SEMA5A: variants seen among roughly 807,000 people sequenced by gnomAD.
SEMA5A encodes the protein semaphorin-5A.
Under a neutral mutation model 135.5 loss-of-function variants are expected in SEMA5A, and 55 were observed. That is an observed-to-expected ratio of 0.41 (90% CI 0.33 to 0.51). The LOEUF is 0.51. SEMA5A is among the 20% of genes least tolerant of loss of function. The pLI is 0.37. For missense variants in SEMA5A, 1,290 were observed against 1,419.9 expected (o/e 0.91, Z 1.47); for synonymous variants, 580 against 546.5 (o/e 1.06, Z -0.85).
intron 5 of SEMA5A, among the ~76,000 whole-genome samples, chr5:9,297,491 C>T (rs1751398381): frequency 6.6e-6 from 1 of 152,164 alleles, no homozygotes; most frequent in African/African-American, 2.4e-5. Context: ...GACACTGAAC[C>T]TTCAGGTGCC....
chr5:9,500,042 C>T (rs1241647317), intron 1 of SEMA5A, among the ~76,000 whole-genome samples: 3 of 152,084 alleles, frequency 2.0e-5, no homozygotes, highest in Non-Finnish European at 2.9e-5. Flanking sequence ...CCATCTGTTA[C>T]TCATATTTTA....
Position 9,202,233 on chromosome 5 carries a change from G to A in SEMA5A, c.654C>T (p.Asn218=). 1.2e-6 allele frequency: 2 copies of A among 1,612,466 alleles called. No individual in the cohort carries two copies. The highest frequency in any genetic ancestry group is 1.1e-5 in the South Asian group (1 of 90,998). ...QYNSKWLNEP[N]FVSSYDIGNF... is the part of the protein sequence containing the mutation. The stretch of plus-strand genomic sequence containing the variant: ...TTCCGATGTCATAAGATGACACAAA[G>A]TTTGGCTCTGGAAACAATAGAAAAG... The change falls in exon 9 of 23, where the codon AAC becomes AAT. Residue 218 remains asparagine (N), a synonymous_variant. Transcript: ENST00000382496.
intron 6 of SEMA5A, chr5:9,237,593 C>A (rs774473415): frequency 1.4e-5 from 5 of 357,276 alleles, no homozygotes; most frequent in Non-Finnish European, 2.5e-5. Flanking sequence ...ACAGAAAGGG[C>A]AAATTAGCTC....
chr5:9,212,269 C>T (rs1746383351), intron 8 of SEMA5A, among the ~76,000 whole-genome samples: 1 of 152,166 alleles, frequency 6.6e-6, no homozygotes, highest in African/African-American at 2.4e-5. Flanking sequence ...AGTTTTATTG[C>T]TTTTCTATTT....
intron 12 of SEMA5A, among the ~76,000 whole-genome samples, chr5:9,141,062 A>G (rs1386315122): frequency 6.6e-6 from 1 of 152,250 alleles, no homozygotes; most frequent in East Asian, 1.9e-4. Flanking sequence ...AAATGTCTTT[A>G]CAAACACAAA....
chr5:9,285,814 G>A (rs931559127), intron 5 of SEMA5A, among the ~76,000 whole-genome samples: 2 of 152,220 alleles, frequency 1.3e-5, no homozygotes, highest in Non-Finnish European at 2.9e-5. Context: ...AAATGTTCTG[G>A]TGATGGCTGC....
At chr5:9,160,215 C>G (rs1743176586) in intron 11 of SEMA5A, among the ~76,000 whole-genome samples, 1 of 152,118 alleles carries the variant, frequency 6.6e-6, no homozygotes, top group Non-Finnish European at 1.5e-5. Flanking sequence ...AGTCAGCATT[C>G]TCCTCCATTG....
chr5:9,081,796 T>C (rs1738401226), intron 16 of SEMA5A, among the ~76,000 whole-genome samples: 1 of 152,228 alleles, frequency 6.6e-6, no homozygotes, highest in East Asian at 1.9e-4. Context: ...AACAATTCCA[T>C]TAAAACTCTG....
chr5:9,193,348 G>A (rs1417502150), intron 10 of SEMA5A, among the ~76,000 whole-genome samples: 2 of 152,166 alleles, frequency 1.3e-5, no homozygotes, highest in African/African-American at 2.4e-5. Flanking sequence ...CACAGCCATT[G>A]CTCTCATGTG....
chr5:9,077,778 C>CA (rs1738148327), intron 16 of SEMA5A, among the ~76,000 whole-genome samples: 1 of 152,208 alleles, frequency 6.6e-6, no homozygotes, highest in South Asian at 2.1e-4. Flanking sequence ...TGAATGGCCG[C>CA]ATTCACTTTC....
chr5:9,086,941 T>C lies in SEMA5A; in HGVS notation c.2074-20295A>G, dbSNP rs566768048. ...CCTAAACACATTTCTTAGGTCTTCT[T>C]TGATTGTTTTTTTAACTTAAGTTTT... On this transcript the variant is annotated intron_variant, in intron 16 of 22. Coordinates refer to ENST00000382496, the MANE Select transcript of SEMA5A (RefSeq NM_003966.3). Among the ~76,000 whole-genome samples, 7 of 152,358 alleles carry C rather than the reference T, an allele frequency of 4.6e-5. No homozygotes were observed. The South Asian group carries it at 6.2e-4, about 14-fold the overall frequency.
At chr5:9,178,627 C>T (rs1427509964) in intron 11 of SEMA5A, among the ~76,000 whole-genome samples, 1 of 152,078 alleles carries the variant, frequency 6.6e-6, no homozygotes, top group East Asian at 1.9e-4. Flanking sequence ...CCGCGCCCAG[C>T]CAGATAAGCT....
At chr5:9,436,689 A>G (rs17258493) in intron 2 of SEMA5A, among the ~76,000 whole-genome samples, 80,658 of 152,080 alleles carry the variant, frequency 0.53, 22,523 homozygotes, top group Middle Eastern at 0.66. Flanking sequence ...GGAGAAAAAT[A>G]AATAAGTTAA....
chr5:9,099,544 A>G (rs1321582167), intron 16 of SEMA5A, among the ~76,000 whole-genome samples: 3 of 152,220 alleles, frequency 2.0e-5, no homozygotes, highest in African/African-American at 7.2e-5. Context: ...ATAAAGGTCA[A>G]GGTCATGTCT....
chr5:9,519,387 A>T (rs946303329), intron 1 of SEMA5A, among the ~76,000 whole-genome samples: 1 of 152,344 alleles, frequency 6.6e-6, no homozygotes, highest in African/African-American at 2.4e-5. Flanking sequence ...ATCAACAGCG[A>T]AGTATGTCCC....
At chr5:9,066,680 G>A (rs374714616) in intron 16 of SEMA5A, 34 bp from the exon 17 acceptor site, 85 of 1,594,896 alleles carry the variant, frequency 5.3e-5, no homozygotes, top group African/African-American at 1.2e-4. Context: ...GTTACTATAC[G>A]GGGTAAACAG....
At chr5:9,453,607 A>G (rs1758725843) in intron 1 of SEMA5A, among the ~76,000 whole-genome samples, 1 of 152,212 alleles carries the variant, frequency 6.6e-6, no homozygotes, top group African/African-American at 2.4e-5. Context: ...TGCATATTAA[A>G]TAAGTTGTTT....
intron 1 of SEMA5A, among the ~76,000 whole-genome samples, chr5:9,440,776 T>A (rs1579544589): frequency 1.3e-5 from 2 of 152,358 alleles, no homozygotes; most frequent in East Asian, 3.9e-4. Context: ...TGAGGTAAGA[T>A]GTAGACTTAA....
chr5:9,509,367 C>T (rs1474929788), intron 1 of SEMA5A, among the ~76,000 whole-genome samples: 4 of 152,048 alleles, frequency 2.6e-5, no homozygotes, highest in South Asian at 2.1e-4. Context: ...CTCCACCTAC[C>T]GGGTTCAAGT....
Sources: gnomAD v4.1 joint callset for allele counts (sites outside exome capture counted in the v4.1 genomes callset) on GRCh38, gnomAD v4.1.1 for gene constraint, MANE v1.5 for transcripts, NCBI Gene and HGNC (gene_info 2026-07-23, HGNC 2026-07-21) for gene names.